Variants in POLI observed in about 807,000 individuals in gnomAD.
The protein encoded by POLI is RAD30 homolog B.
Under a neutral mutation model 51.6 loss-of-function variants are expected in POLI, and 58 were observed. That is an observed-to-expected ratio of 1.12 (90% CI 0.91 to 1.40). POLI has a LOEUF of 1.40. Ranked by LOEUF, POLI falls within the 40% of genes most tolerant of loss-of-function variation. POLI has a pLI of 0.00. For missense variants in POLI, 921 were observed against 871.3 expected (o/e 1.06, Z -0.72); for synonymous variants, 322 against 299.7 (o/e 1.07, Z -0.77).
chr18:54,270,124 T>A (rs1275550397), intron 1 of POLI: 1 of 738,726 alleles, frequency 1.4e-6, no homozygotes, highest in Non-Finnish European at 1.7e-6. Context: ...GTGACCCACT[T>A]CCAGCTCTGG....
chr18:54,280,073 T>G (rs1041625767), intron 4 of POLI, among the ~76,000 whole-genome samples: 1 of 152,238 alleles, frequency 6.6e-6, no homozygotes. Flanking sequence ...TTTACAGTAT[T>G]CCTATGAAGC....
Position 54,295,003 on chromosome 18 carries a change from CACCAAGAATCT to C in POLI, c.*541_*551del, listed in dbSNP as rs1365258063. On this transcript the variant is annotated 3_prime_UTR_variant, in exon 10 of 10. Transcript: ENST00000579534. ...TATATTCAATTAATGCTTCTTCATA[CACCAAGAATCT>C]ACCACAATACACAGCACACAAAGGC... 2.0e-6 allele frequency: 2 copies of C among 984,760 alleles called. No individual in the cohort carries two copies. Among genetic ancestry groups the C allele is most frequent in the African/African-American group, 3.5e-5 (2 of 57,216 alleles). 61.0% of individuals were successfully genotyped at this position (984,760 alleles called of 1,614,324 possible). A position where few individuals can be genotyped will look rare whatever the true frequency, so the allele number is the denominator to read the frequency against.
intron 3 of POLI, among the ~76,000 whole-genome samples, chr18:54,317,363 T>C (rs1415577983): frequency 6.6e-6 from 1 of 152,208 alleles, no homozygotes; most frequent in Non-Finnish European, 1.5e-5. Context: ...GATTGTCTGT[T>C]ACACATAATT....
intron 3 of POLI, among the ~76,000 whole-genome samples, chr18:54,276,739 G>A (rs1490793760): frequency 6.6e-6 from 1 of 152,120 alleles, no homozygotes; most frequent in Non-Finnish European, 1.5e-5. Flanking sequence ...ATGTCACATT[G>A]TTACCTTTAT....
chr18:54,319,882 TTA>T (rs765778159), intron 3 of POLI, among the ~76,000 whole-genome samples: 2 of 152,190 alleles, frequency 1.3e-5, no homozygotes, highest in Non-Finnish European at 2.9e-5. Flanking sequence ...AAGAAAAAAC[TTA>T]TGTTTGGCTT....
chr18:54,312,920 TA>T (rs1367390338), intron 3 of POLI, among the ~76,000 whole-genome samples: 6 of 152,228 alleles, frequency 3.9e-5, no homozygotes, highest in Non-Finnish European at 8.8e-5. Context: ...ACACCTTTGA[TA>T]GTTTCTCTTG....
intron 5 of POLI, among the ~76,000 whole-genome samples, chr18:54,281,229 G>T (rs2087486774): frequency 6.6e-6 from 1 of 152,060 alleles, no homozygotes; most frequent in East Asian, 1.9e-4. Flanking sequence ...ACTGTACATT[G>T]CCTCTAGAGA....
intron 2 of POLI, 89 bp downstream of exon 2, chr18:54,271,574 TAAGA>T (rs2087004203): frequency 1.0e-6 from 1 of 960,934 alleles, no homozygotes; most frequent in Non-Finnish European, 1.5e-6. Context: ...TTAACCTTAT[TAAGA>T]AAGATTTTGG....
intron 7 of POLI, among the ~76,000 whole-genome samples, chr18:54,286,131 T>A (rs2087729575): frequency 6.6e-6 from 1 of 152,212 alleles, no homozygotes; most frequent in African/African-American, 2.4e-5. Flanking sequence ...CCCAAAGTGT[T>A]GGGATTACAG....
Position 54,297,654 on chromosome 18 carries a change from A to G in POLI, c.*3187A>G, listed in dbSNP as rs2088401154. 1.0e-6 allele frequency: 1 copy of G among 979,008 alleles called. No individual in the cohort carries two copies. Among genetic ancestry groups the G allele is most frequent in the Non-Finnish European group, 1.2e-6 (1 of 824,270 alleles). The allele number at this position is 979,008 out of a possible 1,614,324, so 60.6% of individuals were successfully genotyped here. A position where few individuals can be genotyped will look rare whatever the true frequency, so the allele number is the denominator to read the frequency against. On this transcript the variant is annotated 3_prime_UTR_variant, in exon 10 of 10. Transcript: ENST00000579534. ...TCAGTTGGGTTTTCTATTTAATCATATATTTTCCCTTTACTGATTTGGAAT... is the reference window on the plus strand; with the variant it reads ...TCAGTTGGGTTTTCTATTTAATCATGTATTTTCCCTTTACTGATTTGGAAT...
chr18:54,280,175 T>C (rs1298661398), intron 4 of POLI, among the ~76,000 whole-genome samples: 1 of 152,140 alleles, frequency 6.6e-6, no homozygotes, highest in Non-Finnish European at 1.5e-5. Context: ...ACTGGGTAAT[T>C]TATAAAGAAA....
rs1225728988 is a variant in POLI, at chr18:54,294,704, T to C, written c.*237T>C. 1 of 1,096,986 alleles carries C rather than the reference T, an allele frequency of 9.1e-7. No individual in the cohort carries two copies. Among genetic ancestry groups the C allele is most frequent in the Non-Finnish European group, 1.1e-6 (1 of 893,636 alleles). 68.0% of individuals were successfully genotyped at this position (1,096,986 alleles called of 1,614,324 possible). ...AAAGCCATTTTATATTACTTTTCAATAAAAAGAATATCATGGTCAACATAG... is the reference window on the plus strand; with the variant it reads ...AAAGCCATTTTATATTACTTTTCAACAAAAAGAATATCATGGTCAACATAG... On this transcript the variant is annotated 3_prime_UTR_variant, in exon 10 of 10. Transcript: ENST00000579534.
chr18:54,300,445 C>T (rs953250910), downstream of POLI, among the ~76,000 whole-genome samples: 1 of 151,558 alleles, frequency 6.6e-6, no homozygotes, highest in Non-Finnish European at 1.5e-5. Context: ...AAAATAACCA[C>T]TGAAATAGCA....
intron 3 of POLI, among the ~76,000 whole-genome samples, chr18:54,313,415 T>A (rs981491271): frequency 2.6e-5 from 4 of 152,170 alleles, no homozygotes; most frequent in Non-Finnish European, 5.9e-5. Flanking sequence ...TTCTTTTTGC[T>A]TAGGATTGCT....
intron 3 of POLI, among the ~76,000 whole-genome samples, chr18:54,275,354 A>G (rs1012533551): frequency 1.5e-5 from 2 of 129,272 alleles, no homozygotes; most frequent in Non-Finnish European, 3.5e-5. Flanking sequence ...CCACAAGTAC[A>G]TAAAGACATA....
At chr18:54,269,497 G>A (rs1451388830), upstream of POLI, 3 of 1,494,908 alleles carry the variant, frequency 2.0e-6, no homozygotes, top group Admixed American at 7.8e-5. Context: ...GGTTTCCCTG[G>A]AGACCAGGCG....
rs748804004 is a variant in POLI, at chr18:54,280,923, A to G, written c.796+20A>G. ...TACCTGGTAAGACAAATATATTTGA[A>G]AAGTACATATACGTCTTATTTTATT... On this transcript the variant is annotated intron_variant, in intron 5 of 9. Coordinates refer to ENST00000579534, the MANE Select transcript of POLI (RefSeq NM_007195.3). 7.8e-6 allele frequency: 10 copies of G among 1,275,890 alleles called. No homozygotes were observed. The Admixed American group carries it at 1.0e-4, about 13-fold the overall frequency. The allele number at this position is 1,275,890 out of a possible 1,614,324, so 79.0% of individuals were successfully genotyped here.
chr18:54,278,095 TC>T (rs1207577995), intron 4 of POLI, among the ~76,000 whole-genome samples: 1 of 152,178 alleles, frequency 6.6e-6, no homozygotes, highest in Non-Finnish European at 1.5e-5. Flanking sequence ...AGAGCATTGT[TC>T]CTGTTCATCT....
At chr18:54,271,569 C>T (rs2087003735) in intron 2 of POLI, 84 bp downstream of exon 2, 5 of 981,934 alleles carry the variant, frequency 5.1e-6, no homozygotes, top group Admixed American at 3.0e-5. Flanking sequence ...ATTTATTAAC[C>T]TTATTAAGAA....
Sources: gnomAD v4.1 joint callset for allele counts (sites outside exome capture counted in the v4.1 genomes callset) on GRCh38, gnomAD v4.1.1 for gene constraint, MANE v1.5 for transcripts, NCBI Gene and HGNC (gene_info 2026-07-23, HGNC 2026-07-21) for gene names.